TOP6BL: variants seen among roughly 807,000 people sequenced by gnomAD.
TOP6BL encodes TOP6B like initiator of meiotic double strand breaks.
At chr11:66,757,015 G>A in the TOP6BL span, among the ~76,000 whole-genome samples, 4 of 146,268 alleles carry the variant, frequency 2.7e-5, no homozygotes, top group African/African-American at 1.0e-4. Context: ...CTGGCCATAA[G>A]ATGGTCTTTA....
chr11:66,762,968 G>A, the TOP6BL span, among the ~76,000 whole-genome samples: 3 of 152,194 alleles, frequency 2.0e-5, no homozygotes, highest in African/African-American at 4.8e-5. Flanking sequence ...ACTTCGGGAG[G>A]ACAAGATGGA....
At chr11:66,806,378 A>C in the TOP6BL span, among the ~76,000 whole-genome samples, 1 of 152,220 alleles carries the variant, frequency 6.6e-6, no homozygotes. Context: ...ATCCATGTGA[A>C]GCTCCTAGCA....
the TOP6BL span, among the ~76,000 whole-genome samples, chr11:66,747,063 A>G: frequency 6.6e-6 from 1 of 151,940 alleles, no homozygotes; most frequent in Non-Finnish European, 1.5e-5. Context: ...CAGCCTCCTA[A>G]GTAGCTGGGG....
chr11:66,793,444 G>GT, the TOP6BL span, among the ~76,000 whole-genome samples: 12,340 of 98,036 alleles, frequency 0.13, 1,020 homozygotes, highest in Non-Finnish European at 0.17. Flanking sequence ...TTCTTTTTTT[G>GT]TTTTTTTTTT....
At chr11:66,807,178 T>C in the TOP6BL span, among the ~76,000 whole-genome samples, 8 of 152,308 alleles carry the variant, frequency 5.3e-5, no homozygotes, top group African/African-American at 1.9e-4. Flanking sequence ...GAGAGCTAGC[T>C]ATGAAAATTC....
chr11:66,843,038 C>G, the TOP6BL span: 1 of 1,557,166 alleles, frequency 6.4e-7, no homozygotes, highest in Non-Finnish European at 8.7e-7. Flanking sequence ...GCCCTGGCGC[C>G]GGGCAGGGCG....
the TOP6BL span, among the ~76,000 whole-genome samples, chr11:66,811,899 C>T: frequency 1.3e-5 from 2 of 152,270 alleles, no homozygotes; most frequent in Non-Finnish European, 2.9e-5. Flanking sequence ...GCTATGATCA[C>T]ATCATTGCAC....
At chr11:66,787,486 A>G in the TOP6BL span, among the ~76,000 whole-genome samples, 1 of 149,592 alleles carries the variant, frequency 6.7e-6, no homozygotes, top group Non-Finnish European at 1.5e-5. Flanking sequence ...CAGGCGGATC[A>G]CCTAAGATCG....
At chr11:66,843,447 C>G in the TOP6BL span, 1 of 1,401,424 alleles carries the variant, frequency 7.1e-7, no homozygotes, top group East Asian at 2.9e-5. Flanking sequence ...CGCCGCGGGT[C>G]AGGGCGCAAT....
At chr11:66,842,365 A>G in the TOP6BL span, among the ~76,000 whole-genome samples, 1 of 152,214 alleles carries the variant, frequency 6.6e-6, no homozygotes, top group Non-Finnish European at 1.5e-5. Flanking sequence ...ATTGATCTGC[A>G]TCCCCAAGAC....
chr11:66,764,679 A>AC, the TOP6BL span, among the ~76,000 whole-genome samples: 1 of 149,764 alleles, frequency 6.7e-6, no homozygotes, highest in Non-Finnish European at 1.5e-5. Context: ...AAAAAAAAAA[A>AC]TAAAGAAGTG....
chr11:66,840,863 C>T, the TOP6BL span, among the ~76,000 whole-genome samples: 5 of 152,152 alleles, frequency 3.3e-5, no homozygotes, highest in African/African-American at 1.2e-4. Flanking sequence ...CCTGCTCTCC[C>T]ACCCAGCTAT....
At chr11:66,804,712 C>T in the TOP6BL span, among the ~76,000 whole-genome samples, 3 of 151,784 alleles carry the variant, frequency 2.0e-5, no homozygotes, top group Non-Finnish European at 2.9e-5. Flanking sequence ...CCGAGGTGGG[C>T]GGATCACTTG....
chr11:66,838,694 G>A, the TOP6BL span, among the ~76,000 whole-genome samples: 3 of 152,046 alleles, frequency 2.0e-5, no homozygotes, highest in Admixed American at 6.6e-5. Flanking sequence ...GATGGGGTGG[G>A]GGTAGGTAAT....
chr11:66,843,049 A>G, the TOP6BL span: 1 of 1,562,194 alleles, frequency 6.4e-7, no homozygotes. Flanking sequence ...GGGCAGGGCG[A>G]GCCTCGGAAG....
chr11:66,801,358 C>A, the TOP6BL span, among the ~76,000 whole-genome samples: 1 of 152,204 alleles, frequency 6.6e-6, no homozygotes, highest in African/African-American at 2.4e-5. Context: ...ACAGACCCTG[C>A]TAGTTCCAAT....
chr11:66,801,910 C>G, the TOP6BL span, among the ~76,000 whole-genome samples: 2 of 152,214 alleles, frequency 1.3e-5, no homozygotes, highest in Admixed American at 1.3e-4. Context: ...GCCCTTCTGT[C>G]TTGCCTTCCT....
chr11:66,827,772 C>T, the TOP6BL span, among the ~76,000 whole-genome samples: 1 of 151,760 alleles, frequency 6.6e-6, no homozygotes, highest in Non-Finnish European at 1.5e-5. Flanking sequence ...CGAAACCAGC[C>T]TTGCCAACAT....
the TOP6BL span, among the ~76,000 whole-genome samples, chr11:66,801,825 G>A: frequency 1.3e-5 from 2 of 152,008 alleles, no homozygotes; most frequent in Admixed American, 6.6e-5. Flanking sequence ...GCAAGACTCT[G>A]TCTCAAAAAA....
Sources: gnomAD v4.1 joint callset for allele counts (sites outside exome capture counted in the v4.1 genomes callset) on GRCh38, gnomAD v4.1.1 for gene constraint, MANE v1.5 for transcripts, NCBI Gene and HGNC (gene_info 2026-07-23, HGNC 2026-07-21) for gene names.